Variants in VAV2 observed in about 807,000 individuals in gnomAD.
VAV2 encodes vav guanine nucleotide exchange factor 2, also known as guanine nucleotide exchange factor VAV2.
Under a neutral mutation model 132.5 loss-of-function variants are expected in VAV2, and 67 were observed. That is an observed-to-expected ratio of 0.51 (90% CI 0.42 to 0.62). The LOEUF (loss-of-function observed/expected upper bound fraction) is 0.62, where lower values mean the gene tolerates loss of function less well. Ranked by LOEUF, VAV2 falls within the 20% of genes least tolerant of loss-of-function variation. The probability of loss-of-function intolerance (pLI) is 0.00; values close to 1 mark genes in which losing one functional copy is unlikely to be tolerated. For missense variants in VAV2, 938 were observed against 1,153.6 expected, an observed-to-expected ratio of 0.81 and a Z score of 2.71; for synonymous variants, 492 against 443.5, an observed-to-expected ratio of 1.11 and a Z score of -1.37.
intron 2 of VAV2, among the ~76,000 whole-genome samples, chr9:133,907,706 G>A (rs1476085755): frequency 6.6e-6 from 1 of 152,236 alleles, no homozygotes; most frequent in Non-Finnish European, 1.5e-5. Context: ...CGCTCGGCTC[G>A]GGCCATGCCA....
intron 1 of VAV2, among the ~76,000 whole-genome samples, chr9:133,950,035 C>G (rs1841503337): frequency 1.3e-5 from 2 of 152,160 alleles, no homozygotes; most frequent in Admixed American, 1.3e-4. Flanking sequence ...TGCTGGGGCT[C>G]CCACCCGCTG....
At chr9:133,781,625 G>A (rs912089680) in intron 19 of VAV2, among the ~76,000 whole-genome samples, 1 of 152,254 alleles carries the variant, frequency 6.6e-6, no homozygotes, top group Admixed American at 6.5e-5. Flanking sequence ...AGCCTCGGCA[G>A]AGCCCAGGGG....
chr9:133,821,740 C>A lies in VAV2; in HGVS notation c.450-9524G>T, dbSNP rs1430610769. ...TGTTGCTTTTGTGGGTTTCAGGGAT[C>A]ATTCTTCTCTGTCCAGTGGTCCATG... On this transcript the variant is annotated intron_variant, in intron 4 of 29. Coordinates refer to ENST00000371850, the MANE Select transcript of VAV2 (RefSeq NM_001134398.2). Among the ~76,000 whole-genome samples the A allele has an allele frequency of 2.0e-5, 3 of 152,316 alleles. No homozygotes were observed. The East Asian group carries it at 5.8e-4, about 29-fold the overall frequency.
chr9:133,960,897 G>A (rs1379322458), intron 1 of VAV2, among the ~76,000 whole-genome samples: 1 of 151,408 alleles, frequency 6.6e-6, no homozygotes, highest in Non-Finnish European at 1.5e-5. Flanking sequence ...CGGGGCAGGA[G>A]GCCGTCATGG....
chr9:133,798,244 A>G (rs972732990), intron 9 of VAV2, among the ~76,000 whole-genome samples: 8 of 152,166 alleles, frequency 5.3e-5, no homozygotes, highest in African/African-American at 1.9e-4. Context: ...CTCAGGGCTC[A>G]CCCTCATGCT....
chr9:133,780,047 G>C, intron 20 of VAV2, 108 bp from the exon 21 acceptor site: 1 of 1,492,804 alleles, frequency 6.7e-7, no homozygotes, highest in Non-Finnish European at 9.3e-7. Context: ...CCTAGATAGA[G>C]GGGTCAAGGC....
intron 3 of VAV2, among the ~76,000 whole-genome samples, chr9:133,859,122 C>T (rs968677663): frequency 6.6e-6 from 1 of 152,126 alleles, no homozygotes. Context: ...GGGAGGGTGC[C>T]CACCCCGGGC....
chr9:133,861,278 G>T, intron 3 of VAV2, 96 bp downstream of exon 3: 2 of 1,339,164 alleles, frequency 1.5e-6, no homozygotes, highest in Non-Finnish European at 1.0e-6. Flanking sequence ...ACAGGCAGAG[G>T]GCATCTGCTT....
rs149016147 is a variant in VAV2 at position 133,773,551 on chromosome 9, T to C, written c.2135+1384A>G. Among the ~76,000 whole-genome samples the C allele has an allele frequency of 5.9e-3, 893 of 152,354 alleles. 5 individuals carry two copies. The highest frequency in any genetic ancestry group is 8.7e-3 in the Non-Finnish European group (593 of 68,032). On this transcript the variant is annotated intron_variant, in intron 25 of 29. Transcript: ENST00000371850. Reference sequence around the variant, plus strand: ...TAATTTTTGTTAACTTTTTGAAGCTTGGGTAATAATACTTAGCTTAAAACA... The same window carrying C: ...TAATTTTTGTTAACTTTTTGAAGCTCGGGTAATAATACTTAGCTTAAAACA...
intron 2 of VAV2, among the ~76,000 whole-genome samples, chr9:133,929,541 A>C (rs1840602659): frequency 6.6e-6 from 1 of 152,042 alleles, no homozygotes; most frequent in Non-Finnish European, 1.5e-5. Context: ...GCTGATAGAC[A>C]AGGGTCCCAG....
At chr9:133,843,417 G>C (rs1308792566) in intron 3 of VAV2, among the ~76,000 whole-genome samples, 1 of 152,130 alleles carries the variant, frequency 6.6e-6, no homozygotes, top group Non-Finnish European at 1.5e-5. Context: ...ATACTGTCCA[G>C]GCTGGTCTCA....
At chr9:133,764,394 G>C (rs1468274747) in intron 29 of VAV2, among the ~76,000 whole-genome samples, 1 of 152,098 alleles carries the variant, frequency 6.6e-6, no homozygotes. Context: ...AACAACTACA[G>C]CTTTTTCTTA....
Position 133,935,132 on chromosome 9 carries a change from A to C in VAV2, c.321+3971T>G, listed in dbSNP as rs990197239. Reference sequence around the variant, plus strand: ...TCCTGGGCAGGCCAAGGGTGGGAGGAACAGGGGGAGGGCACGCAGCCATAT... The same window carrying C: ...TCCTGGGCAGGCCAAGGGTGGGAGGCACAGGGGGAGGGCACGCAGCCATAT... On this transcript the variant is annotated intron_variant, in intron 2 of 29. Coordinates refer to ENST00000371850, the MANE Select transcript of VAV2 (RefSeq NM_001134398.2). The surrounding 1 kb of genome is among the most constrained non-coding windows in gnomAD (Gnocchi z 5.2). Among the ~76,000 whole-genome samples the C allele has an allele frequency of 1.3e-5, 2 of 151,400 alleles. No individual in the cohort carries two copies. The highest frequency in any genetic ancestry group is 1.3e-4 in the Admixed American group (2 of 15,200).
chr9:133,818,487 A>G (rs1036087841), intron 4 of VAV2, among the ~76,000 whole-genome samples: 1 of 152,052 alleles, frequency 6.6e-6, no homozygotes, highest in Non-Finnish European at 1.5e-5. Flanking sequence ...CAGAACACAC[A>G]CCAGCACCTG....
intron 1 of VAV2, among the ~76,000 whole-genome samples, chr9:133,940,583 G>A (rs1176731034): frequency 3.9e-5 from 6 of 152,026 alleles, no homozygotes; most frequent in Non-Finnish European, 7.4e-5. Flanking sequence ...TCTGCCTCAG[G>A]CCACTCCTCC....
chr9:133,925,350 G>T (rs1372411198), intron 2 of VAV2, among the ~76,000 whole-genome samples: 1 of 152,158 alleles, frequency 6.6e-6, no homozygotes, highest in East Asian at 1.9e-4. Flanking sequence ...CCAAGTAGCT[G>T]GGATTACAGG....
In VAV2 at chr9:133,918,475, C is replaced by A. The variant is rs1281336893; in HGVS notation, c.321+20628G>T. Among the ~76,000 whole-genome samples, 1 of 146,234 alleles carries A rather than the reference C, an allele frequency of 6.8e-6. No homozygotes were observed. The highest frequency in any genetic ancestry group is 1.5e-5 in the Non-Finnish European group (1 of 67,614). ...GCGGCAGACTCCTTCTCGGTGGCAC[C>A]CATTGTAAGAGTCAGCCTGGAATCT... On this transcript the variant is annotated intron_variant, in intron 2 of 29. Coordinates refer to ENST00000371850, the MANE Select transcript of VAV2 (RefSeq NM_001134398.2). This position sits in a 1 kb window ranked among gnomAD's most constrained non-coding sequence, Gnocchi z 4.7.
Position 133,847,776 on chromosome 9 carries a change from A to C in VAV2, c.381-13436T>G, listed in dbSNP as rs375698517. On this transcript the variant is annotated intron_variant, in intron 3 of 29. Transcript: ENST00000371850. Reference sequence around the variant, plus strand: ...ACTCCCAGGATCAAGGGGAACATTTAATGAGCTGACGCCTGGGAGGTGCTC... The same window carrying C: ...ACTCCCAGGATCAAGGGGAACATTTCATGAGCTGACGCCTGGGAGGTGCTC... Among the ~76,000 whole-genome samples, 67 of 152,230 alleles carry C rather than the reference A, an allele frequency of 4.4e-4. 2 individuals carry two copies. In the South Asian group the frequency reaches 0.013, roughly 29 times the overall value.
intron 1 of VAV2, among the ~76,000 whole-genome samples, chr9:133,975,614 C>T (rs1455922029): frequency 1.3e-5 from 2 of 152,188 alleles, no homozygotes; most frequent in African/African-American, 4.8e-5. Context: ...TGACAAAGGA[C>T]ACAAAGTCTA....
Sources: gnomAD v4.1 joint callset for allele counts (sites outside exome capture counted in the v4.1 genomes callset) on GRCh38, gnomAD v4.1.1 for gene constraint, Gnocchi (gnomAD v3.1) non-coding constraint, MANE v1.5 for transcripts, NCBI Gene and HGNC (gene_info 2026-07-23, HGNC 2026-07-21) for gene names.